Variants in DDX6 observed in about 807,000 individuals in gnomAD.
DDX6 encodes DEAD-box helicase 6.
In DDX6, 7 loss-of-function variants were observed where a neutral mutation model predicts 60.6. That is an observed-to-expected ratio of 0.12 (90% CI 0.07 to 0.22). DDX6 has a LOEUF of 0.22. Among genes scored for constraint, DDX6 ranks in the 10% least tolerant of loss-of-function variants. The pLI is 1.00. For synonymous variants in DDX6, 207 were observed against 201.0 expected (o/e 1.03, Z -0.25); for missense variants, 270 against 589.9 (o/e 0.46, Z 5.62).
Position 118,753,739 on chromosome 11 carries a change from T to C in DDX6, c.*7+966A>G, listed in dbSNP as rs887592160. Among the ~76,000 whole-genome samples the C allele has an allele frequency of 4.6e-5, 7 of 152,170 alleles. No homozygotes were observed. The South Asian group carries it at 1.4e-3, about 32-fold the overall frequency. On this transcript the variant is annotated intron_variant, in intron 13 of 13. Transcript: ENST00000534980. ...TTATCAGAGTGATTAATGTACTTACTAGAAATTAAGAGTAAATGCTAAAAA... is the reference window on the plus strand; with the variant it reads ...TTATCAGAGTGATTAATGTACTTACCAGAAATTAAGAGTAAATGCTAAAAA...
chr11:118,780,113 T>C (rs1362174945), intron 3 of DDX6, among the ~76,000 whole-genome samples: 1 of 7,754 alleles, frequency 1.3e-4, no homozygotes, highest in Non-Finnish European at 2.4e-4. Context: ...AGACTCTATC[T>C]CAAAAAAAAA....
At position 118,754,732 on chromosome 11, in the gene DDX6, C is replaced by T; in HGVS notation, c.1432G>A (p.Val478Ile). The change falls in exon 13 of 14, where the codon GTA (valine) becomes ATA (isoleucine). Residue 478 changes from valine (V) to isoleucine (I), a missense_variant. This residue lies in a region of DDX6 where 34 missense variants were observed against 59.4 expected (regional missense o/e 0.57). Transcript: ENST00000534980. ...LYVAEYHSEP[V>I]EDEKP ...GCTTGTTAAGGTTTCTCATCTTCTA[C>T]AGGCTCGCTGTGGTATTCTGCCACA... is the stretch of plus-strand genomic sequence containing the variant. 4 of 1,609,650 alleles carry T rather than the reference C, an allele frequency of 2.5e-6. No individual in the cohort carries two copies. Among genetic ancestry groups the T allele is most frequent in the Non-Finnish European group, 3.4e-6 (4 of 1,178,744 alleles).
intron 3 of DDX6, among the ~76,000 whole-genome samples, chr11:118,780,239 G>A (rs1033158703): frequency 5.4e-5 from 8 of 149,468 alleles, no homozygotes; most frequent in African/African-American, 2.0e-4. Flanking sequence ...AACTTTTCCT[G>A]AAGAAAAACC....
rs1446467002 is a variant in DDX6 at position 118,752,030 on chromosome 11, AGAG to A, written c.*72_*74del. 3.3e-6 allele frequency: 1 copy of A among 300,926 alleles called. No homozygotes were observed. Among genetic ancestry groups the A allele is most frequent in the African/African-American group, 2.3e-5 (1 of 44,112 alleles). 18.6% of individuals were successfully genotyped at this position (300,926 alleles called of 1,614,324 possible). A position where few individuals can be genotyped will look rare whatever the true frequency, so the allele number is the denominator to read the frequency against. ...AAAATAAAAGATGAAAAACCCACAA[AGAG>A]AGGAGCATTCCCCCCAAAACGATGT... On this transcript the variant is annotated 3_prime_UTR_variant, in exon 14 of 14. Transcript: ENST00000534980.
At chr11:118,783,783 G>C in intron 2 of DDX6, among the ~76,000 whole-genome samples, 1 of 124,360 alleles carries the variant, frequency 8.0e-6, no homozygotes, top group Non-Finnish European at 1.6e-5. Flanking sequence ...CTCTAGCCTG[G>C]GCAACAGAGT....
At chr11:118,758,396 G>A (rs1418311342) in intron 9 of DDX6, among the ~76,000 whole-genome samples, 5 of 151,276 alleles carry the variant, frequency 3.3e-5, no homozygotes, top group African/African-American at 7.3e-5. Context: ...TTCCCAAGAC[G>A]GAGTCTTGCT....
Position 118,786,354 on chromosome 11 carries a change from A to G in DDX6, c.-103T>C, listed in dbSNP as rs769964532. On this transcript the variant is annotated 5_prime_UTR_variant, in exon 2 of 14. Transcript: ENST00000534980. ...GGCTCTCCAAAATGAAGAGATAAAT[A>G]TAAGTCTTGCTCAATAAATGAGTCC... 17 of 1,022,146 alleles carry G rather than the reference A, an allele frequency of 1.7e-5. No individual in the cohort carries two copies. The highest frequency in any genetic ancestry group is 3.3e-4 in the Middle Eastern group (1 of 3,064). The allele number at this position is 1,022,146 out of a possible 1,614,324, so 63.3% of individuals were successfully genotyped here. A position where few individuals can be genotyped will look rare whatever the true frequency, so the allele number is the denominator to read the frequency against.
At chr11:118,765,411 C>T (rs565293619) in intron 5 of DDX6, 56 bp from the exon 6 acceptor site, 36 of 1,561,546 alleles carry the variant, frequency 2.3e-5, no homozygotes, top group East Asian at 2.0e-4. Context: ...GGAGAACATG[C>T]TATACATCAT....
intron 5 of DDX6, among the ~76,000 whole-genome samples, chr11:118,765,796 AT>A (rs113605085): frequency 0.96 from 142,975 of 149,350 alleles, 68,475 homozygotes; most frequent in East Asian, 1. Flanking sequence ...GAAAAAAAAA[AT>A]AGCCTAGGCA....
At chr11:118,757,096 T>C in intron 10 of DDX6, 75 bp downstream of exon 10, 3 of 815,166 alleles carry the variant, frequency 3.7e-6, no homozygotes, top group Non-Finnish European at 5.4e-6. Flanking sequence ...ACTCAGGACA[T>C]TTAAAAGAAC....
At chr11:118,756,430 GTGAT>G (rs1860978718) in intron 10 of DDX6, 107 bp from the exon 11 acceptor site, 15 of 797,872 alleles carry the variant, frequency 1.9e-5, no homozygotes, top group South Asian at 1.9e-4. Flanking sequence ...CTGTTTATAA[GTGAT>G]CCATGATATT....
At chr11:118,755,538 T>C in intron 11 of DDX6, 35 bp from the exon 12 acceptor site, 3 of 1,209,646 alleles carry the variant, frequency 2.5e-6, no homozygotes, top group Non-Finnish European at 3.6e-6. Context: ...ATTTTTTCAA[T>C]TTAGAAATGT....
At chr11:118,754,930 A>ATT (rs1555158366) in intron 12 of DDX6, 43 bp from the exon 13 acceptor site, 1 of 1,521,292 alleles carries the variant, frequency 6.6e-7, no homozygotes, top group Admixed American at 2.1e-5. Context: ...TAAAATATGA[A>ATT]AATCAATGTG....
In DDX6 at chr11:118,751,067, G is replaced by GTGTA. The variant is rs1555157168; in HGVS notation, c.*1037_*1038insTACA. 3.6e-5 allele frequency: 5 copies of GTGTA among 140,198 alleles called. No homozygotes were observed. Among genetic ancestry groups the GTGTA allele is most frequent in the South Asian group, 4.5e-4 (2 of 4,492 alleles). The allele number at this position is 140,198 out of a possible 1,614,324, so 8.7% of individuals were successfully genotyped here. Reference sequence around the variant, plus strand: ...CATCCAAAAAAAAATATATATATATGTATATATATATATATATATGAACCC... The same window carrying GTGTA: ...CATCCAAAAAAAAATATATATATATGTGTATATATATATATATATATATGAACCC... On this transcript the variant is annotated 3_prime_UTR_variant, in exon 14 of 14. Coordinates refer to ENST00000534980, the MANE Select transcript of DDX6 (RefSeq NM_004397.6).
At chr11:118,780,114 CAAA>C (rs71044492) in intron 3 of DDX6, among the ~76,000 whole-genome samples, 503 of 40,204 alleles carry the variant, frequency 0.013, 2 homozygotes, top group African/African-American at 0.046. Flanking sequence ...GACTCTATCT[CAAA>C]AAAAAAAAAA....
At chr11:118,755,608 G>C (rs1217557888) in intron 11 of DDX6, 105 bp from the exon 12 acceptor site, 1 of 654,498 alleles carries the variant, frequency 1.5e-6, no homozygotes, top group East Asian at 2.7e-5. Flanking sequence ...ATTTAATTCA[G>C]TTATTCAAAT....
chr11:118,769,905 T>C (rs997755827), intron 4 of DDX6, among the ~76,000 whole-genome samples: 1 of 152,136 alleles, frequency 6.6e-6, no homozygotes, highest in African/African-American at 2.4e-5. Context: ...AGACGGGGTT[T>C]CACCGTGTTA....
chr11:118,758,009 G>A (rs1246145479), intron 9 of DDX6, among the ~76,000 whole-genome samples: 2 of 152,148 alleles, frequency 1.3e-5, no homozygotes, highest in African/African-American at 4.8e-5. Context: ...GAAAAACATG[G>A]CAGACTGTGA....
In DDX6 at chr11:118,750,289, T is replaced by C. The variant is rs1860714373; in HGVS notation, c.*1816A>G. 6.6e-6 allele frequency: 1 copy of C among 152,346 alleles called. No individual in the cohort carries two copies. Among genetic ancestry groups the C allele is most frequent in the South Asian group, 2.1e-4 (1 of 4,808 alleles). The allele number at this position is 152,346 out of a possible 1,614,324, so 9.4% of individuals were successfully genotyped here. A position where few individuals can be genotyped will look rare whatever the true frequency, so the allele number is the denominator to read the frequency against. On this transcript the variant is annotated 3_prime_UTR_variant, in exon 14 of 14. Coordinates refer to ENST00000534980, the MANE Select transcript of DDX6 (RefSeq NM_004397.6). ...AAAAAAAAAAGTTCACTGGTTTTGA[T>C]TCATCTCACTCCTTTTGCCTGGAGA... is the stretch of plus-strand genomic sequence containing the variant.
Sources: gnomAD v4.1 joint callset for allele counts (sites outside exome capture counted in the v4.1 genomes callset) on GRCh38, gnomAD v4.1.1 for gene constraint, gnomAD v4.1.1 regional missense constraint, MANE v1.5 for transcripts, NCBI Gene and HGNC (gene_info 2026-07-23, HGNC 2026-07-21) for gene names.